CNTN4: variants seen among roughly 807,000 people sequenced by gnomAD.
CNTN4 encodes contactin 4, also known as contactin-4.
CNTN4 carries 77 observed loss-of-function variants against 122.5 expected under a neutral mutation model. The ratio of observed to expected loss-of-function variants is 0.63; its 90% confidence interval spans 0.52 to 0.76. The LOEUF (loss-of-function observed/expected upper bound fraction) is 0.76. CNTN4 is among the 30% of genes least tolerant of loss of function. The pLI is 0.00. For synonymous variants in CNTN4, 512 were observed against 447.0 expected (o/e 1.15, Z -1.83); for missense variants, 1,256 against 1,259.1 (o/e 1.00, Z 0.04).
intron 7 of CNTN4, among the ~76,000 whole-genome samples, chr3:2,851,417 C>G (rs2093548424): frequency 6.6e-6 from 1 of 152,200 alleles, no homozygotes; most frequent in Non-Finnish European, 1.5e-5. Flanking sequence ...AGTACTCTGT[C>G]TTACTCTGAT....
At chr3:2,452,412 A>G (rs1054115846) in intron 3 of CNTN4, among the ~76,000 whole-genome samples, 1 of 152,120 alleles carries the variant, frequency 6.6e-6, no homozygotes, top group African/African-American at 2.4e-5. Flanking sequence ...CTGTCCTTAC[A>G]TGCCTTCTGG....
chr3:2,886,860 A>C (rs2093984921), intron 9 of CNTN4, among the ~76,000 whole-genome samples, 180 bp from the exon 10 acceptor site: 1 of 152,216 alleles, frequency 6.6e-6, no homozygotes, highest in Admixed American at 6.5e-5. Context: ...TTTTAAGAAC[A>C]CTAAATAAGT....
chr3:2,774,064 T>G (rs1474798049), intron 6 of CNTN4, among the ~76,000 whole-genome samples: 11 of 151,970 alleles, frequency 7.2e-5, no homozygotes, highest in Admixed American at 7.2e-4. Flanking sequence ...CCAGCCTCGA[T>G]TTAGTAGACT....
chr3:2,667,580 A>T (rs1333412375), intron 4 of CNTN4, among the ~76,000 whole-genome samples: 1 of 151,742 alleles, frequency 6.6e-6, no homozygotes, highest in Non-Finnish European at 1.5e-5. Flanking sequence ...TGCTGTGCAG[A>T]AGCTCTTTAG....
chr3:2,570,682 C>T (rs2079384430), intron 3 of CNTN4, among the ~76,000 whole-genome samples: 1 of 152,088 alleles, frequency 6.6e-6, no homozygotes, highest in Non-Finnish European at 1.5e-5. Context: ...CAGTGTCTGC[C>T]CACAGCTTCA....
intron 14 of CNTN4, among the ~76,000 whole-genome samples, chr3:2,992,841 G>C (rs566059872): frequency 6.6e-6 from 1 of 152,250 alleles, no homozygotes; most frequent in East Asian, 1.9e-4. Context: ...CTACACCAAA[G>C]AACTTCGTAC....
chr3:2,611,291 T>TGGTGAATACTGGAATCACCCAGGG (rs1253244243), intron 4 of CNTN4, among the ~76,000 whole-genome samples: 1 of 31,648 alleles, frequency 3.2e-5, no homozygotes, highest in Non-Finnish European at 6.6e-5. Context: ...TCACAGCACC[T>TGGTGAATACTGGAATCACCCAGGG]GGAACCAAAA....
At chr3:2,697,049 T>G (rs1341650694) in intron 4 of CNTN4, among the ~76,000 whole-genome samples, 4 of 152,232 alleles carry the variant, frequency 2.6e-5, no homozygotes, top group Admixed American at 6.5e-5. Flanking sequence ...ACCCTGCCTA[T>G]TCTATGGTGT....
chr3:2,399,467 GGAGT>G (rs2046761291), intron 3 of CNTN4, among the ~76,000 whole-genome samples: 1 of 152,084 alleles, frequency 6.6e-6, no homozygotes, highest in Non-Finnish European at 1.5e-5. Context: ...ATTTCAGAAT[GGAGT>G]GAGAGAGAGC....
chr3:2,167,163 A>G (rs1299938642), intron 2 of CNTN4, among the ~76,000 whole-genome samples: 1 of 152,184 alleles, frequency 6.6e-6, no homozygotes, highest in Non-Finnish European at 1.5e-5. Flanking sequence ...GGATAAACCA[A>G]TTCCATGCTG....
At chr3:2,680,136 A>T (rs1234687363) in intron 4 of CNTN4, among the ~76,000 whole-genome samples, 1 of 152,242 alleles carries the variant, frequency 6.6e-6, no homozygotes, top group African/African-American at 2.4e-5. Context: ...ATAATACAAT[A>T]CAAAAGAAAC....
At chr3:2,661,437 A>G (rs1433021491) in intron 4 of CNTN4, among the ~76,000 whole-genome samples, 1 of 152,142 alleles carries the variant, frequency 6.6e-6, no homozygotes, top group Non-Finnish European at 1.5e-5. Context: ...TTTCCAAAAC[A>G]TGCTCGATGG....
intron 3 of CNTN4, among the ~76,000 whole-genome samples, chr3:2,443,862 A>G (rs2048523701): frequency 1.3e-5 from 2 of 151,998 alleles, no homozygotes; most frequent in South Asian, 4.1e-4. Context: ...TATCCAGCTG[A>G]TTTTGTGTAT....
At position 2,867,577 on chromosome 3, in the gene CNTN4, C is replaced by A. The variant is rs377337567; in HGVS notation, c.652+628C>A. 1.1e-4 allele frequency among the ~76,000 whole-genome samples: 16 copies of A among 152,268 alleles called. No individual in the cohort carries two copies. In the South Asian group the frequency reaches 1.2e-3, roughly 12 times the overall value. On this transcript the variant is annotated intron_variant, in intron 8 of 24. Transcript: ENST00000418658. ...AGGAGTACCATGCCCTTTCCCACCA[C>A]GGGTTTTTATATATGCTGTTCCCTC... is the stretch of plus-strand genomic sequence containing the variant.
At chr3:2,346,473 C>T (rs928634625) in intron 3 of CNTN4, among the ~76,000 whole-genome samples, 2 of 151,992 alleles carry the variant, frequency 1.3e-5, no homozygotes, top group Non-Finnish European at 2.9e-5. Context: ...TTCCAGCATC[C>T]CACTTCCTTT....
At chr3:2,270,775 T>A (rs2041262712) in intron 2 of CNTN4, among the ~76,000 whole-genome samples, 1 of 152,066 alleles carries the variant, frequency 6.6e-6, no homozygotes, top group Non-Finnish European at 1.5e-5. Context: ...CTTTGGAGGG[T>A]CCTGAGAGGG....
chr3:2,330,559 C>G (rs1342777834), intron 2 of CNTN4, among the ~76,000 whole-genome samples: 1 of 152,020 alleles, frequency 6.6e-6, no homozygotes, highest in Non-Finnish European at 1.5e-5. Context: ...ATTTCTTATT[C>G]TAAAGCACAA....
At chr3:2,669,565 TG>T (rs1266225827) in intron 4 of CNTN4, among the ~76,000 whole-genome samples, 3 of 152,162 alleles carry the variant, frequency 2.0e-5, no homozygotes, top group African/African-American at 7.2e-5. Context: ...TTGATTTTTT[TG>T]AACGGTTTTT....
At chr3:2,125,466 T>A (rs529483273) in intron 2 of CNTN4, among the ~76,000 whole-genome samples, 1 of 152,130 alleles carries the variant, frequency 6.6e-6, no homozygotes, top group Admixed American at 6.6e-5. Context: ...ATCATGGGAG[T>A]GCAGATATCA....
Sources: allele counts gnomAD v4.1 joint callset (sites outside exome capture counted in the v4.1 genomes callset), GRCh38; gene constraint gnomAD v4.1.1; transcripts MANE v1.5; gene names NCBI Gene and HGNC (gene_info 2026-07-23, HGNC 2026-07-21).